Variants in APLP1 observed in about 807,000 individuals in gnomAD.
APLP1 encodes the protein amyloid beta (A4) precursor-like protein 1.
Under a neutral mutation model 84.5 loss-of-function variants are expected in APLP1, and 46 were observed. The ratio of observed to expected loss-of-function variants is 0.54; its 90% confidence interval spans 0.43 to 0.70. The LOEUF (loss-of-function observed/expected upper bound fraction) is 0.70, where lower values mean the gene tolerates loss of function less well. Ranked by LOEUF, APLP1 falls within the 30% of genes least tolerant of loss-of-function variation. APLP1 has a pLI of 0.00. For synonymous variants in APLP1, 376 were observed against 364.0 expected (o/e 1.03, Z -0.38); for missense variants, 826 against 900.2 (o/e 0.92, Z 1.05).
In APLP1 at chr19:35,878,114, T is replaced by C. The variant is rs748991583; in HGVS notation, c.1579+6T>C. 5 of 1,611,876 alleles carry C rather than the reference T, an allele frequency of 3.1e-6. No homozygotes were observed. In the South Asian group the frequency reaches 3.3e-5, roughly 11 times the overall value. Reference sequence around the variant, plus strand: ...CCCCATGACCCTTCCAAAAGGTGAGTGTCTCACAGTTAACCCCAGCCTCCA... The same window carrying C: ...CCCCATGACCCTTCCAAAAGGTGAGCGTCTCACAGTTAACCCCAGCCTCCA... On this transcript the variant is annotated splice_donor_region_variant and intron_variant, in intron 13 of 16. Transcript: ENST00000221891.
chr19:35,871,277 C>T lies in APLP1; in HGVS notation c.465C>T (p.Gly155=). 6.2e-7 allele frequency: 1 copy of T among 1,613,702 alleles called. No individual in the cohort carries two copies. Residue 155 remains glycine, a synonymous_variant, in exon 4 of 17, where the codon GGC becomes GGT. Transcript: ENST00000221891. ...GTGAGGCCCTGCTGGTGCCTGAAGG[C>T]TGCCGGTTCTTGCACCAGGAGCGCA... The part of the protein sequence containing the change: ...FVSEALLVPE[G]CRFLHQERMD...
chr19:35,869,195 G>T, intron 1 of APLP1: 1 of 374,206 alleles, frequency 2.7e-6, no homozygotes, highest in South Asian at 4.1e-5. Context: ...CAGTCCTTCA[G>T]TCACCACCCA....
chr19:35,868,889 T>G lies in APLP1; in HGVS notation c.147+106T>G. ...AGAAAGCGCGGTCTTTCCAGCCAGG[T>G]GGTCAGCCCCCAGGCGCCCCCAATC... On this transcript the variant is annotated intron_variant, in intron 1 of 16. Transcript: ENST00000221891. This position sits in a 1 kb window ranked among gnomAD's most constrained non-coding sequence, Gnocchi z 5.2. 9.3e-7 allele frequency: 1 copy of G among 1,071,224 alleles called. No homozygotes were observed. The highest frequency in any genetic ancestry group is 1.2e-6 in the Non-Finnish European group (1 of 833,002). The allele number at this position is 1,071,224 out of a possible 1,614,324, so 66.4% of individuals were successfully genotyped here. A position where few individuals can be genotyped will look rare whatever the true frequency, so the allele number is the denominator to read the frequency against.
Position 35,871,014 on chromosome 19 carries a change from C to T in APLP1, c.410C>T (p.Pro137Leu). Residue 137 changes from proline to leucine, a missense_variant, in exon 3 of 17, where the codon CCC becomes CTC. By Grantham distance (98) the Pro-to-Leu change is moderately conservative. Coordinates refer to ENST00000221891, the MANE Select transcript of APLP1 (RefSeq NM_001024807.3). ...SCAHPHHQVVPFRCLPGEFVS... is the reference protein window; with the variant it reads ...SCAHPHHQVVLFRCLPGEFVS... ...GCCCACCCCCACCACCAGGTTGTGCCCTTCCGCTGCCTGCGTGAGTCCCAG... is the reference window on the plus strand; with the variant it reads ...GCCCACCCCCACCACCAGGTTGTGCTCTTCCGCTGCCTGCGTGAGTCCCAG... 2 of 1,531,190 alleles carry T rather than the reference C, an allele frequency of 1.3e-6. No homozygotes were observed. The highest frequency in any genetic ancestry group is 8.8e-7 in the Non-Finnish European group (1 of 1,139,500). The allele number at this position is 1,531,190 out of a possible 1,614,324, so 94.9% of individuals were successfully genotyped here. A position where few individuals can be genotyped will look rare whatever the true frequency, so the allele number is the denominator to read the frequency against.
chr19:35,873,186 AT>A (rs1974200540), intron 7 of APLP1, among the ~76,000 whole-genome samples: 1 of 147,456 alleles, frequency 6.8e-6, no homozygotes, highest in Admixed American at 6.8e-5. Context: ...CTCCTTCTGG[AT>A]CTTCCCTCTT....
Position 35,874,952 on chromosome 19 carries a change from C to A in APLP1, c.1344+83C>A. ...AGGCTCTTCTCTTGTCCCTTAGACC[C>A]TCTTTCTGTCTCTTGGACCCCTTCC... On this transcript the variant is annotated intron_variant, in intron 10 of 16. Transcript: ENST00000221891. The surrounding 1 kb of genome is among the most constrained non-coding windows in gnomAD (Gnocchi z 6.4). 1 of 1,513,954 alleles carries A rather than the reference C, an allele frequency of 6.6e-7. No homozygotes were observed. Among genetic ancestry groups the A allele is most frequent in the Non-Finnish European group, 8.8e-7 (1 of 1,131,394 alleles). 93.8% of individuals were successfully genotyped at this position (1,513,954 alleles called of 1,614,324 possible).
chr19:35,874,560 C>G lies in APLP1; in HGVS notation c.1113C>G (p.Arg371=). 1 of 1,614,238 alleles carries G rather than the reference C, an allele frequency of 6.2e-7. No homozygotes were observed. Among genetic ancestry groups the G allele is most frequent in the South Asian group, 1.1e-5 (1 of 91,090 alleles). Residue 371 remains arginine, a synonymous_variant, in exon 9 of 17, where the codon CGC becomes CGG. Coordinates refer to ENST00000221891, the MANE Select transcript of APLP1 (RefSeq NM_001024807.3). This position sits in a 1 kb window ranked among gnomAD's most constrained non-coding sequence, Gnocchi z 6.4. ...AGCAGGTGTCTGGTGAGCGACAGCG[C>G]CTGGTGGAAACCCACGCCACCCGCG... ...LEEQVSGERQ[R]LVETHATRVI...
In APLP1 at chr19:35,877,949, G is replaced by A. The variant is rs1974322628; in HGVS notation, c.1552+124G>A. ...TGACTGGGAGAGGATGAGGAGGAAC[G>A]TCTAAGGTTGCAGGGGCCTCTGTAG... On this transcript the variant is annotated intron_variant, in intron 12 of 16. Transcript: ENST00000221891. 7.7e-6 allele frequency: 10 copies of A among 1,297,508 alleles called. No homozygotes were observed. The Admixed American group carries it at 1.3e-4, about 16-fold the overall frequency. 80.4% of individuals were successfully genotyped at this position (1,297,508 alleles called of 1,614,324 possible).
intron 8 of APLP1, 96 bp downstream of exon 8, chr19:35,873,809 C>T (rs1434838698): frequency 3.6e-6 from 4 of 1,098,408 alleles, no homozygotes; most frequent in East Asian, 2.5e-5. Flanking sequence ...CATCCAGTTC[C>T]ACCCCTTCCC....
intron 16 of APLP1, 37 bp from the exon 17 acceptor site, chr19:35,879,306 G>A (rs765715244): frequency 2.5e-6 from 4 of 1,612,024 alleles, no homozygotes; most frequent in Non-Finnish European, 3.4e-6. Flanking sequence ...TCCCGCCCCC[G>A]CACCACACTG....
At chr19:35,869,328 A>G in intron 1 of APLP1, 1 of 539,412 alleles carries the variant, frequency 1.9e-6, no homozygotes, top group South Asian at 2.5e-5. Context: ...TGGAGGGAGG[A>G]GGGGCCAGAA....
intron 13 of APLP1, 64 bp downstream of exon 13, chr19:35,878,172 C>G (rs572490525): frequency 1.3e-6 from 2 of 1,549,348 alleles, no homozygotes; most frequent in African/African-American, 2.7e-5. Flanking sequence ...CAGAAGGAAA[C>G]AGGGTCCATC....
Position 35,871,312 on chromosome 19 carries a change from G to A in APLP1, c.500G>A (p.Cys167Tyr). The A allele has an allele frequency of 6.2e-7, 1 of 1,613,228 alleles. No homozygotes were observed. The highest frequency in any genetic ancestry group is 1.1e-5 in the South Asian group (1 of 90,844). The change falls in exon 4 of 17, where the codon TGT becomes TAT. Residue 167 changes from cysteine (C) to tyrosine (Y), a missense_variant. Cys to Tyr is a radical substitution (Grantham distance 194). Around this residue, in one of 3 missense-constraint regions of APLP1, gnomAD observed 383 missense variants for 378.3 expected, o/e 1.01. Coordinates refer to ENST00000221891, the MANE Select transcript of APLP1 (RefSeq NM_001024807.3). ...TTGCACCAGGAGCGCATGGACCAAT[G>A]TGAGAGTTCAACCCGGAGGCATCAG... ...RFLHQERMDQCESSTRRHQEA... is the reference protein window; with the variant it reads ...RFLHQERMDQYESSTRRHQEA...
Position 35,868,892 on chromosome 19 carries a change from T to A in APLP1, c.147+109T>A. The A allele has an allele frequency of 9.5e-7, 1 of 1,053,072 alleles. No homozygotes were observed. The highest frequency in any genetic ancestry group is 1.2e-6 in the Non-Finnish European group (1 of 816,392). The allele number at this position is 1,053,072 out of a possible 1,614,324, so 65.2% of individuals were successfully genotyped here. On this transcript the variant is annotated intron_variant, in intron 1 of 16. Transcript: ENST00000221891. This position sits in a 1 kb window ranked among gnomAD's most constrained non-coding sequence, Gnocchi z 5.2. Reference sequence around the variant, plus strand: ...AAGCGCGGTCTTTCCAGCCAGGTGGTCAGCCCCCAGGCGCCCCCAATCACA... The same window carrying A: ...AAGCGCGGTCTTTCCAGCCAGGTGGACAGCCCCCAGGCGCCCCCAATCACA...
At position 35,869,746 on chromosome 19, in the gene APLP1, C is replaced by T. The variant is rs1422388608; in HGVS notation, c.227C>T (p.Pro76Leu). ...HRDLRTGRWE[P>L]DPQRSRRCLR... is the part of the protein sequence containing the mutation. ...GACCTGCGCACCGGCCGCTGGGAAC[C>T]AGACCCACAGCGCTCTCGACGCTGT... Residue 76 changes from proline (P) to leucine (L), a missense_variant, in exon 2 of 17, where the codon CCA becomes CTA. Transcript: ENST00000221891. The T allele has an allele frequency of 1.2e-6, 2 of 1,610,058 alleles. No homozygotes were observed. The highest frequency in any genetic ancestry group is 1.7e-5 in the Admixed American group (1 of 59,718).
chr19:35,879,088 A>G lies in APLP1; in HGVS notation c.1728A>G (p.Thr576=), dbSNP rs760447709. 1.9e-6 allele frequency: 3 copies of G among 1,612,274 alleles called. 1 individual carries two copies. The South Asian group carries it at 3.3e-5, about 18-fold the overall frequency. The part of the protein sequence containing the change: ...IQRDELAPAG[T]GVSREAVSGL... Reference sequence around the variant, plus strand: ...TCTCCCTGCAGGCACCAGCTGGGACAGGGGTGTCCCGTGAGGCTGTGTCGG... The same window carrying G: ...TCTCCCTGCAGGCACCAGCTGGGACGGGGGTGTCCCGTGAGGCTGTGTCGG... Residue 576 remains threonine (T), a synonymous_variant, in exon 16 of 17, where the codon ACA becomes ACG. Coordinates refer to ENST00000221891, the MANE Select transcript of APLP1 (RefSeq NM_001024807.3).
rs144628787 is a variant in APLP1 at position 35,873,673 on chromosome 19, C to A, written c.1016C>A (p.Ser339Tyr). 4.1e-5 allele frequency: 66 copies of A among 1,614,050 alleles called. No homozygotes were observed. The highest frequency in any genetic ancestry group is 5.6e-5 in the Non-Finnish European group (66 of 1,180,032). ...GAATGGGCCATGGCAGACAACCAGT[C>A]CAAGAACCTGCCTAAAGCCGACAGA... ...MREWAMADNQSKNLPKADRQA... is the reference protein window; with the variant it reads ...MREWAMADNQYKNLPKADRQA... Residue 339 changes from serine (S) to tyrosine (Y), a missense_variant, in exon 8 of 17, where the codon TCC becomes TAC. Coordinates refer to ENST00000221891, the MANE Select transcript of APLP1 (RefSeq NM_001024807.3).
At position 35,869,724 on chromosome 19, in the gene APLP1, C is replaced by G. The variant is rs768946611; in HGVS notation, c.205C>G (p.Leu69Val). 8 of 1,611,512 alleles carry G rather than the reference C, an allele frequency of 5.0e-6. No homozygotes were observed. Among genetic ancestry groups the G allele is most frequent in the African/African-American group, 1.3e-5 (1 of 74,896 alleles). ...LCGRLTLHRD[L>V]RTGRWEPDPQ... ...CGGGCGCCTAACCCTTCACCGGGAC[C>G]TGCGCACCGGCCGCTGGGAACCAGA... The change falls in exon 2 of 17, where the codon CTG becomes GTG. Residue 69 changes from leucine to valine, a missense_variant. By Grantham distance (32) the Leu-to-Val change is conservative (BLOSUM62 1). Coordinates refer to ENST00000221891, the MANE Select transcript of APLP1 (RefSeq NM_001024807.3).
Position 35,877,827 on chromosome 19 carries a change from T to C in APLP1, c.1552+2T>C. 6.2e-7 allele frequency: 1 copy of C among 1,606,774 alleles called. No individual in the cohort carries two copies. Among genetic ancestry groups the C allele is most frequent in the Non-Finnish European group, 8.5e-7 (1 of 1,176,484 alleles). ...TGCAGCCTCCAGATTCCAAGGATGG[T>C]GAGTGAGCCCACATATAGATGACCC... On this transcript the variant is annotated splice_donor_variant, in intron 12 of 16. Transcript: ENST00000221891. LOFTEE classifies it high-confidence loss of function.
Sources: gnomAD v4.1 joint callset for allele counts (sites outside exome capture counted in the v4.1 genomes callset) on GRCh38, gnomAD v4.1.1 for gene constraint, gnomAD v4.1.1 regional missense constraint, Gnocchi (gnomAD v3.1) non-coding constraint, MANE v1.5 for transcripts, NCBI Gene and HGNC (gene_info 2026-07-23, HGNC 2026-07-21) for gene names.